The following SPMIP11 variants were observed in gnomAD, a reference collection of about 807,000 sequenced individuals.
SPMIP11 encodes long intergenic non-protein coding RNA 935.
chr12:48,754,981 G>A, the SPMIP11 span, among the ~76,000 whole-genome samples: 1 of 149,820 alleles, frequency 6.7e-6, no homozygotes, highest in Admixed American at 6.6e-5. Context: ...CTAGAAGGTA[G>A]ATTTCTGGGA....
At chr12:48,770,281 G>T in the SPMIP11 span, among the ~76,000 whole-genome samples, 1 of 152,054 alleles carries the variant, frequency 6.6e-6, no homozygotes, top group Non-Finnish European at 1.5e-5. Flanking sequence ...GAAGCTTAGA[G>T]AAGTTAGAAG....
At chr12:48,754,586 G>A in the SPMIP11 span, among the ~76,000 whole-genome samples, 385 of 152,134 alleles carry the variant, frequency 2.5e-3, 1 homozygote, top group Non-Finnish European at 4.2e-3. Flanking sequence ...GAGTAGCTGG[G>A]ACTACAGGTG....
chr12:48,770,845 C>T, the SPMIP11 span: 1 of 1,614,248 alleles, frequency 6.2e-7, no homozygotes. Context: ...CGTAGTCAGC[C>T]AGGGCAGTGA....
At chr12:48,756,910 G>A in the SPMIP11 span, among the ~76,000 whole-genome samples, 2 of 151,772 alleles carry the variant, frequency 1.3e-5, no homozygotes, top group African/African-American at 4.8e-5. Context: ...CCTGGTAGCT[G>A]GGATTACAGG....
the SPMIP11 span, among the ~76,000 whole-genome samples, chr12:48,750,378 C>G: frequency 1.3e-5 from 2 of 152,052 alleles, no homozygotes; most frequent in Admixed American, 6.6e-5. Flanking sequence ...AAAACAAAAC[C>G]CTGCTGTATC....
the SPMIP11 span, among the ~76,000 whole-genome samples, chr12:48,759,895 C>T: frequency 6.6e-6 from 1 of 152,140 alleles, no homozygotes; most frequent in East Asian, 1.9e-4. Flanking sequence ...CAACCTCTGC[C>T]TCCCAGGTTC....
At chr12:48,755,978 C>A in the SPMIP11 span, among the ~76,000 whole-genome samples, 1 of 150,294 alleles carries the variant, frequency 6.7e-6, no homozygotes, top group African/African-American at 2.5e-5. Flanking sequence ...CCTGGGTTCA[C>A]GCCATTCTCC....
the SPMIP11 span, among the ~76,000 whole-genome samples, chr12:48,764,588 C>T: frequency 2.0e-5 from 3 of 152,186 alleles, no homozygotes; most frequent in South Asian, 6.2e-4. Context: ...TTTCTACCAT[C>T]TTAGCACTTG....
chr12:48,739,811 A>T, the SPMIP11 span, among the ~76,000 whole-genome samples: 1 of 152,198 alleles, frequency 6.6e-6, no homozygotes. Flanking sequence ...ACTGGAGATT[A>T]CAATTCGACA....
At chr12:48,743,674 G>T in the SPMIP11 span, among the ~76,000 whole-genome samples, 1 of 152,090 alleles carries the variant, frequency 6.6e-6, no homozygotes, top group African/African-American at 2.4e-5. Context: ...AGCTGCTGTG[G>T]CTCACGCCTG....
chr12:48,744,660 A>G, the SPMIP11 span, among the ~76,000 whole-genome samples: 1 of 151,936 alleles, frequency 6.6e-6, no homozygotes, highest in Admixed American at 6.6e-5. Flanking sequence ...CGGAGGTTGC[A>G]GTCAGCCAAG....
the SPMIP11 span, among the ~76,000 whole-genome samples, chr12:48,741,360 A>G: frequency 6.6e-6 from 1 of 152,024 alleles, no homozygotes; most frequent in Non-Finnish European, 1.5e-5. Context: ...CAATACTGAC[A>G]TTTTTGTAAT....
chr12:48,741,838 G>T, the SPMIP11 span, among the ~76,000 whole-genome samples: 1 of 151,704 alleles, frequency 6.6e-6, no homozygotes, highest in Non-Finnish European at 1.5e-5. Flanking sequence ...GCAAGGTCTC[G>T]CTATGTTGTC....
the SPMIP11 span, among the ~76,000 whole-genome samples, chr12:48,763,121 G>A: frequency 2.0e-5 from 3 of 152,232 alleles, no homozygotes; most frequent in Admixed American, 1.3e-4. Flanking sequence ...ACAGGCACAT[G>A]TGGAAAGAGG....
chr12:48,736,529 T>C, the SPMIP11 span, among the ~76,000 whole-genome samples: 1 of 152,040 alleles, frequency 6.6e-6, no homozygotes, highest in Admixed American at 6.6e-5. Context: ...AGCCCAATGA[T>C]ATTTTTTCAA....
At chr12:48,753,233 C>A in the SPMIP11 span, among the ~76,000 whole-genome samples, 2 of 152,088 alleles carry the variant, frequency 1.3e-5, no homozygotes, top group African/African-American at 4.8e-5. Context: ...TGTCTTGAGA[C>A]AATTGAGACA....
the SPMIP11 span, among the ~76,000 whole-genome samples, chr12:48,730,115 A>C: frequency 6.6e-6 from 1 of 152,122 alleles, no homozygotes; most frequent in African/African-American, 2.4e-5. Context: ...TGTACAGCCG[A>C]CCAATTGTCC....
At chr12:48,764,494 AG>A in the SPMIP11 span, among the ~76,000 whole-genome samples, 2 of 152,206 alleles carry the variant, frequency 1.3e-5, no homozygotes, top group Admixed American at 1.3e-4. Flanking sequence ...GAAGAGAATG[AG>A]GATGATTAAG....
At chr12:48,758,674 G>A in the SPMIP11 span, among the ~76,000 whole-genome samples, 2 of 152,138 alleles carry the variant, frequency 1.3e-5, no homozygotes, top group African/African-American at 4.8e-5. Context: ...CCCATCTCCT[G>A]TCCTTCTCCT....
Sources: allele counts gnomAD v4.1 joint callset (sites outside exome capture counted in the v4.1 genomes callset), GRCh38; gene constraint gnomAD v4.1.1; transcripts MANE v1.5; gene names NCBI Gene and HGNC (gene_info 2026-07-23, HGNC 2026-07-21).